Variants in GPC5 observed in about 807,000 individuals in gnomAD.
GPC5 encodes glypican 5, also known as glypican-5.
A neutral mutation model predicts 53.9 loss-of-function variants in GPC5; 47 were observed. That is an observed-to-expected ratio of 0.87 (90% CI 0.69 to 1.11). GPC5 has a LOEUF of 1.11. GPC5 is among the 50% of genes most tolerant of loss of function. The pLI, the probability that GPC5 is intolerant of heterozygous loss-of-function variation, is 0.00. For missense variants in GPC5, 748 were observed against 713.1 expected (o/e 1.05, Z -0.56); for synonymous variants, 286 against 263.3 (o/e 1.09, Z -0.84).
intron 7 of GPC5, among the ~76,000 whole-genome samples, chr13:92,268,963 T>C (rs1345106387): frequency 6.6e-6 from 1 of 152,030 alleles, no homozygotes; most frequent in Non-Finnish European, 1.5e-5. Context: ...CATTTGTCTA[T>C]TTGGTTGTTA....
chr13:92,275,224 A>G (rs2042867059), intron 7 of GPC5, among the ~76,000 whole-genome samples: 1 of 152,160 alleles, frequency 6.6e-6, no homozygotes, highest in South Asian at 2.1e-4. Context: ...CCTACTTTAC[A>G]TAATTTTCTT....
chr13:92,481,903 C>T (rs190807424), intron 7 of GPC5, among the ~76,000 whole-genome samples: 2 of 152,040 alleles, frequency 1.3e-5, no homozygotes, highest in Admixed American at 6.6e-5. Flanking sequence ...CAGAGGTGGG[C>T]GGATCACCTG....
chr13:92,810,687 C>T (rs907977661), intron 7 of GPC5, among the ~76,000 whole-genome samples: 4 of 151,728 alleles, frequency 2.6e-5, no homozygotes, highest in East Asian at 3.9e-4. Context: ...TGGAATCATA[C>T]GCATTTATCT....
At chr13:92,348,729 C>T (rs2043449613) in intron 7 of GPC5, among the ~76,000 whole-genome samples, 1 of 152,114 alleles carries the variant, frequency 6.6e-6, no homozygotes, top group African/African-American at 2.4e-5. Flanking sequence ...AGAATCTTCT[C>T]TGACCCACAA....
chr13:91,848,315 G>A (rs962512261), intron 5 of GPC5, among the ~76,000 whole-genome samples: 4 of 152,190 alleles, frequency 2.6e-5, no homozygotes, highest in African/African-American at 9.7e-5. Context: ...TTTAATTATT[G>A]TTTGAAGTAA....
chr13:92,017,764 A>G (rs1307238786), intron 6 of GPC5, among the ~76,000 whole-genome samples: 1 of 151,878 alleles, frequency 6.6e-6, no homozygotes, highest in African/African-American at 2.4e-5. Flanking sequence ...CAAAATAAAC[A>G]CACACGTGCA....
intron 7 of GPC5, among the ~76,000 whole-genome samples, chr13:92,650,461 CA>C (rs1362353774): frequency 6.6e-6 from 1 of 151,976 alleles, no homozygotes; most frequent in Non-Finnish European, 1.5e-5. Flanking sequence ...GACATGTTAC[CA>C]ATTTTAGCTC....
At chr13:91,466,832 G>A (rs535734495) in intron 2 of GPC5, among the ~76,000 whole-genome samples, 2 of 152,200 alleles carry the variant, frequency 1.3e-5, no homozygotes, top group Admixed American at 1.3e-4. Flanking sequence ...TAGTTTTAAC[G>A]AAGTTCTTTT....
At chr13:91,895,265 G>T (rs1419507999) in intron 5 of GPC5, among the ~76,000 whole-genome samples, 1 of 152,062 alleles carries the variant, frequency 6.6e-6, no homozygotes, top group Non-Finnish European at 1.5e-5. Flanking sequence ...TAGAGAGAGG[G>T]TCTCTAATAT....
At chr13:91,984,477 C>CT (rs1204054252) in intron 6 of GPC5, among the ~76,000 whole-genome samples, 1 of 152,152 alleles carries the variant, frequency 6.6e-6, no homozygotes, top group East Asian at 1.9e-4. Flanking sequence ...GCACATCATC[C>CT]TAAGGTCTAA....
At chr13:91,862,798 C>G (rs2039044474) in intron 5 of GPC5, among the ~76,000 whole-genome samples, 1 of 152,136 alleles carries the variant, frequency 6.6e-6, no homozygotes. Flanking sequence ...AATAATGTTT[C>G]ATAGCAAAAG....
At chr13:92,550,553 T>C (rs1334693296) in intron 7 of GPC5, among the ~76,000 whole-genome samples, 3 of 151,806 alleles carry the variant, frequency 2.0e-5, no homozygotes, top group Non-Finnish European at 4.4e-5. Flanking sequence ...TAAAGAAATA[T>C]GTGTCAAGTA....
At chr13:91,651,577 G>T (rs2034711345) in intron 2 of GPC5, among the ~76,000 whole-genome samples, 1 of 152,128 alleles carries the variant, frequency 6.6e-6, no homozygotes, top group Non-Finnish European at 1.5e-5. Flanking sequence ...AAATTAGCTA[G>T]TGTGGTGGCA....
At chr13:92,284,597 C>A (rs186079534) in intron 7 of GPC5, among the ~76,000 whole-genome samples, 1 of 152,160 alleles carries the variant, frequency 6.6e-6, no homozygotes, top group African/African-American at 2.4e-5. Flanking sequence ...ATACACAAAT[C>A]AATAAACATA....
intron 2 of GPC5, among the ~76,000 whole-genome samples, chr13:91,581,841 G>A (rs2032373467): frequency 6.6e-6 from 1 of 151,742 alleles, no homozygotes; most frequent in Non-Finnish European, 1.5e-5. Flanking sequence ...AAACATGAGG[G>A]ACTATATATA....
chr13:92,660,374 C>T (rs1230413411), intron 7 of GPC5, among the ~76,000 whole-genome samples: 3 of 151,824 alleles, frequency 2.0e-5, no homozygotes, highest in Non-Finnish European at 4.4e-5. Flanking sequence ...GCCAGACACA[C>T]ATAGGCACAT....
chr13:91,509,851 G>T (rs1168867326), intron 2 of GPC5, among the ~76,000 whole-genome samples: 1 of 151,936 alleles, frequency 6.6e-6, no homozygotes. Context: ...GAGTACACAA[G>T]ATTACTCTTT....
At chr13:92,185,341 G>T (rs537146636) in intron 7 of GPC5, among the ~76,000 whole-genome samples, 1 of 152,106 alleles carries the variant, frequency 6.6e-6, no homozygotes, top group Non-Finnish European at 1.5e-5. Flanking sequence ...TATGGACATA[G>T]ATATCACTTA....
chr13:91,535,285 A>G (rs1383853156), intron 2 of GPC5, among the ~76,000 whole-genome samples: 5 of 152,110 alleles, frequency 3.3e-5, no homozygotes, highest in African/African-American at 1.2e-4. Flanking sequence ...TGCCTGCATT[A>G]TGTACTCTAA....
Sources: gnomAD v4.1 joint callset for allele counts (sites outside exome capture counted in the v4.1 genomes callset) on GRCh38, gnomAD v4.1.1 for gene constraint, MANE v1.5 for transcripts, NCBI Gene and HGNC (gene_info 2026-07-23, HGNC 2026-07-21) for gene names.